The following ITGAM variants were observed in gnomAD, a reference collection of about 807,000 sequenced individuals.
ITGAM encodes integrin alpha-M.
A neutral mutation model predicts 137.5 loss-of-function variants in ITGAM; 79 were observed. That is an observed-to-expected ratio of 0.57 (90% CI 0.48 to 0.69). The LOEUF (loss-of-function observed/expected upper bound fraction) is 0.69. Ranked by LOEUF, ITGAM falls within the 30% of genes least tolerant of loss-of-function variation. The probability of loss-of-function intolerance (pLI) is 0.00; values close to 1 mark genes in which losing one functional copy is unlikely to be tolerated. For synonymous variants in ITGAM, 583 were observed against 592.3 expected (o/e 0.98, Z 0.23); for missense variants, 1,343 against 1,483.5 (o/e 0.91, Z 1.56).
At chr16:31,291,414 T>C (rs938660852) in intron 12 of ITGAM, among the ~76,000 whole-genome samples, 1 of 152,174 alleles carries the variant, frequency 6.6e-6, no homozygotes, top group African/African-American at 2.4e-5. Flanking sequence ...GGAGCCTCCA[T>C]ATTGTTCTCT....
At chr16:31,270,741 A>ATTTTT (rs1227547740) in intron 5 of ITGAM, among the ~76,000 whole-genome samples, 1 of 108,188 alleles carries the variant, frequency 9.2e-6, no homozygotes, top group Non-Finnish European at 1.8e-5. Context: ...ATATATATAT[A>ATTTTT]TATGTTTTTA....
chr16:31,271,099 G>T lies in ITGAM; in HGVS notation c.558+15G>T. 1 of 1,543,594 alleles carries T rather than the reference G, an allele frequency of 6.5e-7. No homozygotes were observed. The highest frequency in any genetic ancestry group is 8.8e-7 in the Non-Finnish European group (1 of 1,137,830). ...CCAAAACCTTGGTGAGGGCCCAGGG[G>T]TAGGTTAGGGAAGAGCCCACACGGG... On this transcript the variant is annotated intron_variant, in intron 6 of 29. Coordinates refer to ENST00000544665, the MANE Select transcript of ITGAM (RefSeq NM_000632.4).
chr16:31,295,638 T>A (rs996462322), intron 12 of ITGAM, among the ~76,000 whole-genome samples: 18 of 150,314 alleles, frequency 1.2e-4, no homozygotes, highest in African/African-American at 2.7e-4. Flanking sequence ...ATATATGTTT[T>A]TATATATATA....
chr16:31,263,633 A>G (rs1252672296), intron 2 of ITGAM, among the ~76,000 whole-genome samples: 3 of 143,254 alleles, frequency 2.1e-5, no homozygotes, highest in Non-Finnish European at 4.6e-5. Flanking sequence ...TTCTGTGAAC[A>G]TGTTTTTCTT....
At chr16:31,309,843 G>A (rs1255502703) in intron 14 of ITGAM, among the ~76,000 whole-genome samples, 2 of 152,078 alleles carry the variant, frequency 1.3e-5, no homozygotes, top group African/African-American at 4.8e-5. Flanking sequence ...TTTAGGGCAG[G>A]CCTGGTGGTG....
chr16:31,279,606 T>C (rs2079946242), intron 12 of ITGAM, among the ~76,000 whole-genome samples: 1 of 152,192 alleles, frequency 6.6e-6, no homozygotes, highest in South Asian at 2.1e-4. Context: ...TCTTGTAAAT[T>C]TGTTTAAGTT....
At chr16:31,270,742 T>C (rs2079828367) in intron 5 of ITGAM, among the ~76,000 whole-genome samples, 1 of 109,894 alleles carries the variant, frequency 9.1e-6, no homozygotes, top group African/African-American at 4.0e-5. Context: ...TATATATATA[T>C]ATGTTTTTAA....
Position 31,331,938 on chromosome 16 carries a change from A to G in ITGAM, c.*231A>G. 3.6e-6 allele frequency: 2 copies of G among 552,364 alleles called. No individual in the cohort carries two copies. Among genetic ancestry groups the G allele is most frequent in the South Asian group, 2.2e-5 (1 of 45,074 alleles). 34.2% of individuals were successfully genotyped at this position (552,364 alleles called of 1,614,324 possible). On this transcript the variant is annotated 3_prime_UTR_variant, in exon 30 of 30. Coordinates refer to ENST00000544665, the MANE Select transcript of ITGAM (RefSeq NM_000632.4). ...ATGTGCACTTGCACGCCCATGTGTG[A>G]GTGTGTGCAAGTATGTGAGTGTGTC...
intron 14 of ITGAM, among the ~76,000 whole-genome samples, chr16:31,300,910 T>A (rs2080191603): frequency 6.6e-6 from 1 of 152,078 alleles, no homozygotes; most frequent in African/African-American, 2.4e-5. Context: ...AGACCTTGTC[T>A]CAAAAAAAGA....
intron 16 of ITGAM, among the ~76,000 whole-genome samples, chr16:31,321,914 C>T (rs539647270): frequency 2.6e-4 from 40 of 152,236 alleles, no homozygotes; most frequent in Middle Eastern, 3.4e-3. Context: ...TTTTAATAAA[C>T]GGAGAGAAAA....
Position 31,324,390 on chromosome 16 carries a change from T to C in ITGAM, c.2003-9T>C. The C allele has an allele frequency of 6.4e-7, 1 of 1,551,538 alleles. No individual in the cohort carries two copies. Among genetic ancestry groups the C allele is most frequent in the Non-Finnish European group, 8.7e-7 (1 of 1,146,870 alleles). On this transcript the variant is annotated splice_polypyrimidine_tract_variant and intron_variant, in intron 16 of 29. Transcript: ENST00000544665. The surrounding 1 kb of genome is among the most constrained non-coding windows in gnomAD (Gnocchi z 4.5). ...GGCCCCTCACTGCTGTGCCACCCTG[T>C]CCCTTCAGGACAGATCCAGAGTGTT...
At position 31,318,502 on chromosome 16, in the gene ITGAM, C is replaced by T. The variant is rs151218844; in HGVS notation, c.1708-2739C>T. 3.5e-3 allele frequency among the ~76,000 whole-genome samples: 535 copies of T among 152,154 alleles called. 6 individuals carry two copies. Among genetic ancestry groups the T allele is most frequent in the African/African-American group, 0.012 (509 of 41,494 alleles). ...GGCATTACAAGCACGTGCCACCACA[C>T]CTGGCTGATTTTCGTATTTTTAGTA... On this transcript the variant is annotated intron_variant, in intron 14 of 29. Coordinates refer to ENST00000544665, the MANE Select transcript of ITGAM (RefSeq NM_000632.4).
chr16:31,299,167 A>C (rs188462200), intron 14 of ITGAM, among the ~76,000 whole-genome samples: 53 of 152,282 alleles, frequency 3.5e-4, no homozygotes, highest in African/African-American at 1.2e-3. Context: ...ACTGTCATCT[A>C]TTGGTGCAAT....
At chr16:31,315,806 A>T (rs1167028680) in intron 14 of ITGAM, among the ~76,000 whole-genome samples, 1 of 152,086 alleles carries the variant, frequency 6.6e-6, no homozygotes, top group African/African-American at 2.4e-5. Context: ...GCTCAGTTTC[A>T]TTCTTTTGCC....
At chr16:31,288,385 A>G (rs576568701) in intron 12 of ITGAM, among the ~76,000 whole-genome samples, 2 of 152,272 alleles carry the variant, frequency 1.3e-5, no homozygotes, top group Admixed American at 6.5e-5. Context: ...CACTATTGTA[A>G]ATTGTACTGG....
intron 12 of ITGAM, among the ~76,000 whole-genome samples, chr16:31,284,024 T>C (rs990384561): frequency 6.6e-6 from 1 of 152,166 alleles, no homozygotes; most frequent in African/African-American, 2.4e-5. Flanking sequence ...GTTTCACCAG[T>C]GGAGGCTGCA....
chr16:31,271,704 G>A (rs376127123), intron 6 of ITGAM, 143 bp from the exon 7 acceptor site: 8 of 986,204 alleles, frequency 8.1e-6, no homozygotes, highest in African/African-American at 4.9e-5. Flanking sequence ...GCAGCTCTCC[G>A]TCCTGGTGAG....
At chr16:31,329,717 G>A in intron 24 of ITGAM, 81 bp from the exon 25 acceptor site, 1 of 1,218,462 alleles carries the variant, frequency 8.2e-7, no homozygotes, top group Non-Finnish European at 1.2e-6. Flanking sequence ...CCTATGGCCT[G>A]CCCCGTGGGG....
chr16:31,297,857 A>AC lies in ITGAM; in HGVS notation c.1611dup (p.Val538ArgfsTer31). The AC allele has an allele frequency of 6.2e-7, 1 of 1,613,882 alleles. No individual in the cohort carries two copies. Among genetic ancestry groups the AC allele is most frequent in the Admixed American group, 1.7e-5 (1 of 59,976 alleles). ...GACGTAAATGGGGACAAGCTGACGG[A>AC]CGTGGCCATTGGGGCCCCAGGAGAG... On this transcript the variant is annotated frameshift_variant, in exon 14 of 30. Coordinates refer to ENST00000544665, the MANE Select transcript of ITGAM (RefSeq NM_000632.4). LOFTEE classifies it high-confidence loss of function.
Sources: gnomAD v4.1 joint callset for allele counts (sites outside exome capture counted in the v4.1 genomes callset) on GRCh38, gnomAD v4.1.1 for gene constraint, Gnocchi (gnomAD v3.1) non-coding constraint, MANE v1.5 for transcripts, NCBI Gene and HGNC (gene_info 2026-07-23, HGNC 2026-07-21) for gene names.